The following RPL27 variants were observed in gnomAD, a reference collection of about 807,000 sequenced individuals.
RPL27 encodes large ribosomal subunit protein eL27.
For synonymous variants in RPL27, 77 were observed against 61.0 expected (o/e 1.26, Z -1.22); for missense variants, 131 against 174.3 (o/e 0.75, Z 1.40).
chr17:43,002,148 TG>T (rs1484420834), intron 3 of RPL27, among the ~76,000 whole-genome samples: 7 of 151,816 alleles, frequency 4.6e-5, no homozygotes, highest in Middle Eastern at 3.4e-3. Flanking sequence ...AAAGTAGTTG[TG>T]GGAAATTGAG....
chr17:43,002,492 T>G (rs1045571280), intron 3 of RPL27, among the ~76,000 whole-genome samples, 181 bp from the exon 4 acceptor site: 2 of 152,066 alleles, frequency 1.3e-5, no homozygotes, highest in Non-Finnish European at 2.9e-5. Flanking sequence ...GGACGAAAGA[T>G]TCAGACTCCG....
Position 43,002,692 on chromosome 17 carries a change from T to C in RPL27, c.271T>C (p.Leu91=), listed in dbSNP as rs766924583. Residue 91 remains leucine (L), a synonymous_variant, in exon 4 of 5, where the codon TTG becomes CTG. Transcript: ENST00000253788. ...MPTRYSVDIP[L]DKTVVNKDVF... is the part of the protein sequence containing the mutation. Reference sequence around the variant, plus strand: ...CCCCAGGTACTCTGTGGATATCCCCTTGGACAAAACTGTCGTCAATAAGGA... The same window carrying C: ...CCCCAGGTACTCTGTGGATATCCCCCTGGACAAAACTGTCGTCAATAAGGA... 6.2e-7 allele frequency: 1 copy of C among 1,612,722 alleles called. No individual in the cohort carries two copies. The highest frequency in any genetic ancestry group is 1.7e-5 in the Admixed American group (1 of 59,994).
Position 43,002,783 on chromosome 17 carries a change from G to A in RPL27, c.362G>A (p.Arg121Lys). 1.2e-6 allele frequency: 2 copies of A among 1,610,912 alleles called. No homozygotes were observed. The highest frequency in any genetic ancestry group is 8.5e-7 in the Non-Finnish European group (1 of 1,177,026). ...RREAKVKFEE[R>K]YKTGKNKWFF... ...GAGGCCAAGGTCAAGTTTGAAGAGA[G>A]GTAAGTAGGCTTTGGTAGTGAATGG... Residue 121 changes from arginine to lysine, a missense_variant and splice_region_variant, in exon 4 of 5, where the codon AGA becomes AAA. Coordinates refer to ENST00000253788, the MANE Select transcript of RPL27 (RefSeq NM_000988.5).
intron 1 of RPL27, 132 bp downstream of exon 1, chr17:42,998,603 C>T: frequency 1.6e-6 from 1 of 621,642 alleles, no homozygotes; most frequent in Non-Finnish European, 2.9e-6. Flanking sequence ...GTCCTGCGAG[C>T]AGGGCCCTCG....
At chr17:43,002,169 T>C (rs1472589283) in intron 3 of RPL27, among the ~76,000 whole-genome samples, 2 of 151,738 alleles carry the variant, frequency 1.3e-5, no homozygotes, top group African/African-American at 4.9e-5. Context: ...GAATGAAACA[T>C]TGAATTTTAC....
At chr17:43,000,171 C>G in intron 3 of RPL27, 69 bp downstream of exon 3, 1 of 1,210,570 alleles carries the variant, frequency 8.3e-7, no homozygotes, top group Non-Finnish European at 1.2e-6. Context: ...ACAGACCTTG[C>G]AGCCATTCCA....
In RPL27 at chr17:42,998,446, CT is replaced by C. The variant is rs542792131; in HGVS notation, c.-27del. On this transcript the variant is annotated 5_prime_UTR_variant, in exon 1 of 5. Coordinates refer to ENST00000253788, the MANE Select transcript of RPL27 (RefSeq NM_000988.5). ...CGGAAGTGTCCTTCTTTCCTTTTTG[CT>C]GGTAGGGCCGGGTGGTTGCTGCCGG... 6.3e-4 allele frequency: 95 copies of C among 150,260 alleles called. No individual in the cohort carries two copies. Among genetic ancestry groups the C allele is most frequent in the Non-Finnish European group, 1.1e-3 (88 of 80,008 alleles). The allele number at this position is 150,260 out of a possible 1,614,324, so 9.3% of individuals were successfully genotyped here. A position where few individuals can be genotyped will look rare whatever the true frequency, so the allele number is the denominator to read the frequency against.
Position 43,002,931 on chromosome 17 carries a change from T to C in RPL27, c.*11T>C, listed in dbSNP as rs2050381822. On this transcript the variant is annotated 3_prime_UTR_variant, in exon 5 of 5. Coordinates refer to ENST00000253788, the MANE Select transcript of RPL27 (RefSeq NM_000988.5). ...AAACTGCGGTTTTAGATGCTTTGTT[T>C]TGATCATTAAAAATTATAAAGAAAA... 1 of 1,603,926 alleles carries C rather than the reference T, an allele frequency of 6.2e-7. No individual in the cohort carries two copies. The highest frequency in any genetic ancestry group is 8.5e-7 in the Non-Finnish European group (1 of 1,171,000).
upstream of RPL27, chr17:42,998,384 G>C (rs2050321038): frequency 5.3e-6 from 1 of 189,862 alleles, no homozygotes; most frequent in African/African-American, 2.4e-5. Flanking sequence ...GGGCGGGACA[G>C]GAAGTGAGGT....
chr17:42,999,878 C>T, intron 2 of RPL27, 55 bp from the exon 3 acceptor site: 2 of 1,486,242 alleles, frequency 1.3e-6, no homozygotes, highest in Non-Finnish European at 1.9e-6. Flanking sequence ...CTACCTCTAA[C>T]ACAGGGCCTA....
At chr17:42,998,977 G>A in intron 2 of RPL27, 146 bp downstream of exon 2, 1 of 623,696 alleles carries the variant, frequency 1.6e-6, no homozygotes, top group East Asian at 2.8e-5. Context: ...TTTTGAGAGA[G>A]GAAGAAGCAC....
chr17:43,000,272 G>C (rs1198201034), intron 3 of RPL27, among the ~76,000 whole-genome samples, 170 bp downstream of exon 3: 1 of 152,132 alleles, frequency 6.6e-6, no homozygotes, highest in Non-Finnish European at 1.5e-5. Context: ...CATCTTTTAA[G>C]TGTTGGGTAA....
At chr17:43,000,963 C>T (rs947158836) in intron 3 of RPL27, among the ~76,000 whole-genome samples, 8 of 151,894 alleles carry the variant, frequency 5.3e-5, no homozygotes, top group African/African-American at 1.7e-4. Context: ...GCAGAAGAAT[C>T]GCTTGAACCC....
chr17:42,999,002 T>G lies in RPL27; in HGVS notation c.81+171T>G, dbSNP rs187408827. The G allele has an allele frequency of 1.4e-4, 83 of 580,476 alleles. No homozygotes were observed. In the East Asian group the frequency reaches 2.4e-3, roughly 17 times the overall value. The allele number at this position is 580,476 out of a possible 1,614,324, so 36.0% of individuals were successfully genotyped here. A position where few individuals can be genotyped will look rare whatever the true frequency, so the allele number is the denominator to read the frequency against. Reference sequence around the variant, plus strand: ...GGAAGAAGCACAGTAAAAGCAAATGTGAGCTGAATTGGGCTCCCAACGCAT... The same window carrying G: ...GGAAGAAGCACAGTAAAAGCAAATGGGAGCTGAATTGGGCTCCCAACGCAT... On this transcript the variant is annotated intron_variant, in intron 2 of 4. Transcript: ENST00000253788.
At chr17:42,999,657 G>A (rs2050338322) in intron 2 of RPL27, 1 of 359,718 alleles carries the variant, frequency 2.8e-6, no homozygotes, top group African/African-American at 2.1e-5. Flanking sequence ...AGTCCTGTGA[G>A]CAGTGCTTGG....
At chr17:43,002,472 A>G (rs575644522) in intron 3 of RPL27, among the ~76,000 whole-genome samples, 1 of 152,268 alleles carries the variant, frequency 6.6e-6, no homozygotes, top group African/African-American at 2.4e-5. Context: ...ACACCACTGC[A>G]GTCCAGCCTG....
chr17:42,999,509 G>C (rs942665290), intron 2 of RPL27: 1 of 163,050 alleles, frequency 6.1e-6, no homozygotes, highest in Non-Finnish European at 1.3e-5. Flanking sequence ...ACACCACTGC[G>C]TTTTGTTGTT....
intron 3 of RPL27, among the ~76,000 whole-genome samples, chr17:43,001,361 C>CA (rs2050359574): frequency 6.6e-6 from 1 of 151,924 alleles, no homozygotes; most frequent in African/African-American, 2.4e-5. Flanking sequence ...CACCATGGCT[C>CA]ACGCCTGTAA....
chr17:43,001,636 TAATA>T (rs2050363363), intron 3 of RPL27, among the ~76,000 whole-genome samples: 1 of 150,298 alleles, frequency 6.7e-6, no homozygotes, highest in South Asian at 2.1e-4. Flanking sequence ...ATAAAAATAA[TAATA>T]AAAGGGCAGA....
Sources: allele counts gnomAD v4.1 joint callset (sites outside exome capture counted in the v4.1 genomes callset), GRCh38; gene constraint gnomAD v4.1.1; transcripts MANE v1.5; gene names NCBI Gene and HGNC (gene_info 2026-07-23, HGNC 2026-07-21).